The following ITGA9 variants were observed in gnomAD, a reference collection of about 807,000 sequenced individuals.
ITGA9 encodes the protein integrin subunit alpha 9.
ITGA9 carries 56 observed loss-of-function variants against 127.8 expected under a neutral mutation model. The observed-to-expected ratio is 0.44, with a 90% CI of 0.35 to 0.55. ITGA9 has a LOEUF of 0.55. ITGA9 is among the 20% of genes least tolerant of loss of function. ITGA9 has a pLI of 0.00. For synonymous variants in ITGA9, 508 were observed against 514.5 expected, an observed-to-expected ratio of 0.99 and a Z score of 0.17; for missense variants, 1,196 against 1,347.1, an observed-to-expected ratio of 0.89 and a Z score of 1.76.
At chr3:37,594,586 A>G (rs1042783010) in intron 15 of ITGA9, among the ~76,000 whole-genome samples, 1 of 152,104 alleles carries the variant, frequency 6.6e-6, no homozygotes, top group Non-Finnish European at 1.5e-5. Flanking sequence ...TGGGAGCCCC[A>G]TGGCCAGGAT....
At chr3:37,557,939 A>G (rs368560946) in intron 15 of ITGA9, among the ~76,000 whole-genome samples, 17 of 152,320 alleles carry the variant, frequency 1.1e-4, no homozygotes, top group East Asian at 3.9e-4. Context: ...AACTAGTTCT[A>G]TGACTTTGAA....
At chr3:37,505,933 A>T in intron 6 of ITGA9, 67 bp from the exon 7 acceptor site, 1 of 1,153,170 alleles carries the variant, frequency 8.7e-7, no homozygotes, top group South Asian at 1.3e-5. Context: ...TTTTCCTCTG[A>T]TGGATGTTTT....
chr3:37,784,827 G>A, intron 25 of ITGA9, 150 bp from the exon 26 acceptor site: 1 of 683,764 alleles, frequency 1.5e-6, no homozygotes, highest in East Asian at 2.8e-5. Context: ...GTTTATGTGG[G>A]TGCCTGGGAT....
At position 37,505,519 on chromosome 3, in the gene ITGA9, A is replaced by G. The variant is rs1698830899; in HGVS notation, c.743-481A>G. ...GTTCAAGAAAAGGCAAACCTAATAT[A>G]TGGTGATAGAAATCAGAATAGTGGC... On this transcript the variant is annotated intron_variant, in intron 6 of 27. Transcript: ENST00000264741. 2.6e-5 allele frequency among the ~76,000 whole-genome samples: 4 copies of G among 152,212 alleles called. No individual in the cohort carries two copies. The South Asian group carries it at 8.3e-4, about 32-fold the overall frequency.
At chr3:37,560,240 TG>T (rs1699473210) in intron 15 of ITGA9, among the ~76,000 whole-genome samples, 2 of 152,168 alleles carry the variant, frequency 1.3e-5, no homozygotes, top group African/African-American at 4.8e-5. Flanking sequence ...CTGAGAATGA[TG>T]GTTTTCAGCT....
chr3:37,453,329 T>C (rs368752712), intron 1 of ITGA9, among the ~76,000 whole-genome samples: 1 of 152,200 alleles, frequency 6.6e-6, no homozygotes, highest in African/African-American at 2.4e-5. Context: ...CGTGTTTCTA[T>C]AGTGGCCAAG....
intron 18 of ITGA9, among the ~76,000 whole-genome samples, chr3:37,705,048 G>T (rs905680580): frequency 6.6e-6 from 1 of 152,170 alleles, no homozygotes; most frequent in African/African-American, 2.4e-5. Flanking sequence ...TCCCCTCTTA[G>T]AAGTACCAAA....
intron 15 of ITGA9, among the ~76,000 whole-genome samples, chr3:37,628,821 C>T (rs1048689941): frequency 1.3e-5 from 2 of 152,208 alleles, no homozygotes; most frequent in Non-Finnish European, 2.9e-5. Context: ...GTCATCGAAA[C>T]ACTGAATGCA....
chr3:37,649,041 C>T lies in ITGA9; in HGVS notation c.1840-4673C>T, dbSNP rs1187587314. Among the ~76,000 whole-genome samples the T allele has an allele frequency of 1.3e-5, 2 of 148,232 alleles. 1 individual carries two copies. The highest frequency in any genetic ancestry group is 5.0e-5 in the African/African-American group (2 of 40,098). Reference sequence around the variant, plus strand: ...ACTGTTACAAATTATTTCGTGTAAGCTCCTGGTAACCACCAAGAAAATACC... The same window carrying T: ...ACTGTTACAAATTATTTCGTGTAAGTTCCTGGTAACCACCAAGAAAATACC... On this transcript the variant is annotated intron_variant, in intron 16 of 27. Transcript: ENST00000264741.
At chr3:37,622,855 G>C (rs1479391750) in intron 15 of ITGA9, among the ~76,000 whole-genome samples, 1 of 151,956 alleles carries the variant, frequency 6.6e-6, no homozygotes, top group African/African-American at 2.4e-5. Flanking sequence ...CATTAAAAAT[G>C]GTAATGATCA....
At position 37,629,453 on chromosome 3, in the gene ITGA9, C is replaced by A. The variant is rs906746594; in HGVS notation, c.1839+117C>A. ...GCTGCTCAGGAGACCGCAGCCAGGA[C>A]ACACCTCCTCTCTGGGTCTCCCTTT... On this transcript the variant is annotated intron_variant, in intron 16 of 27. Coordinates refer to ENST00000264741, the MANE Select transcript of ITGA9 (RefSeq NM_002207.3). The surrounding 1 kb of genome is among the most constrained non-coding windows in gnomAD (Gnocchi z 4.5). 1.9e-6 allele frequency: 2 copies of A among 1,048,844 alleles called. No individual in the cohort carries two copies. The highest frequency in any genetic ancestry group is 2.9e-6 in the Non-Finnish European group (2 of 693,300). 65.0% of individuals were successfully genotyped at this position (1,048,844 alleles called of 1,614,324 possible).
chr3:37,619,593 G>A (rs888143812), intron 15 of ITGA9, among the ~76,000 whole-genome samples: 2 of 152,164 alleles, frequency 1.3e-5, no homozygotes, highest in African/African-American at 4.8e-5. Flanking sequence ...GCAGGTATTA[G>A]TTTTCTAGGC....
intron 8 of ITGA9, among the ~76,000 whole-genome samples, chr3:37,512,024 T>TTTTCTTTTCCTTTC (rs869188677): frequency 3.1e-5 from 1 of 31,988 alleles, no homozygotes; most frequent in African/African-American, 9.9e-5. Context: ...TTTTCTTTTC[T>TTTTCTTTTCCTTTC]TTTCTTTCTT....
At chr3:37,660,006 A>G (rs1347226546) in intron 17 of ITGA9, among the ~76,000 whole-genome samples, 5 of 151,070 alleles carry the variant, frequency 3.3e-5, no homozygotes, top group South Asian at 2.1e-4. Context: ...ACACACACGC[A>G]CACACACACA....
intron 15 of ITGA9, among the ~76,000 whole-genome samples, chr3:37,618,299 A>G (rs1055246760): frequency 2.4e-4 from 36 of 152,322 alleles, no homozygotes; most frequent in Non-Finnish European, 2.8e-4. Flanking sequence ...CAGCAAATGT[A>G]GCTGCCTGAT....
At chr3:37,601,833 T>C (rs1268706191) in intron 15 of ITGA9, among the ~76,000 whole-genome samples, 2 of 152,210 alleles carry the variant, frequency 1.3e-5, no homozygotes, top group Non-Finnish European at 2.9e-5. Context: ...AAAAGATGTG[T>C]ATTCGGCTCA....
intron 17 of ITGA9, among the ~76,000 whole-genome samples, chr3:37,683,246 A>G (rs1700750262): frequency 6.6e-6 from 1 of 152,122 alleles, no homozygotes; most frequent in Non-Finnish European, 1.5e-5. Flanking sequence ...TAGTCCCCAC[A>G]TACCGTGTTT....
In ITGA9 at chr3:37,552,892, G is replaced by A. The variant is rs1699392435; in HGVS notation, c.1689+10307G>A. ...TAGCTGGGCATGGTGGTGGGTGCCT[G>A]TAATCCCAGCTACTCTGGAGGCTGA... On this transcript the variant is annotated intron_variant, in intron 15 of 27. Coordinates refer to ENST00000264741, the MANE Select transcript of ITGA9 (RefSeq NM_002207.3). Among the ~76,000 whole-genome samples, 3 of 151,916 alleles carry A rather than the reference G, an allele frequency of 2.0e-5. No homozygotes were observed. In the South Asian group the frequency reaches 6.2e-4, roughly 32 times the overall value.
chr3:37,457,515 T>C (rs1698273926), intron 1 of ITGA9, among the ~76,000 whole-genome samples: 1 of 152,196 alleles, frequency 6.6e-6, no homozygotes, highest in Admixed American at 6.5e-5. Context: ...TCTCATAACC[T>C]CAGTGGTGAG....
Sources: allele counts gnomAD v4.1 joint callset (sites outside exome capture counted in the v4.1 genomes callset), GRCh38; gene constraint gnomAD v4.1.1; non-coding constraint Gnocchi (gnomAD v3.1); transcripts MANE v1.5; gene names NCBI Gene and HGNC (gene_info 2026-07-23, HGNC 2026-07-21).